The following BAZ2B variants were observed in gnomAD, a reference collection of about 807,000 sequenced individuals.
BAZ2B encodes bromodomain adjacent to zinc finger domain 2B, also known as bromodomain adjacent to zinc finger domain protein 2B.
In BAZ2B, 91 loss-of-function variants were observed where a neutral mutation model predicts 246.0. The observed-to-expected ratio is 0.37, with a 90% confidence interval of 0.31 to 0.44. The LOEUF is 0.44. Ranked by LOEUF, BAZ2B falls within the 20% of genes least tolerant of loss-of-function variation. The pLI is 1.00. For synonymous variants in BAZ2B, 855 were observed against 860.0 expected (o/e 0.99, Z 0.10); for missense variants, 2,332 against 2,533.7 (o/e 0.92, Z 1.71).
At position 159,336,862 on chromosome 2, in the gene BAZ2B, ATAAT is replaced by A. The variant is rs2065762949; in HGVS notation, c.5796+76_5796+79del. ...ACATTATTATGACAATAGGTAATGT[ATAAT>A]TAAGAAAGATCTGGAGGTTGGAAGA... On this transcript the variant is annotated intron_variant, in intron 33 of 36. Coordinates refer to ENST00000392783, the MANE Select transcript of BAZ2B (RefSeq NM_013450.4). The A allele has an allele frequency of 2.4e-6, 3 of 1,243,124 alleles. No individual in the cohort carries two copies. The East Asian group carries it at 7.8e-5, about 32-fold the overall frequency. 77.0% of individuals were successfully genotyped at this position (1,243,124 alleles called of 1,614,324 possible). A position where few individuals can be genotyped will look rare whatever the true frequency, so the allele number is the denominator to read the frequency against.
the BAZ2B span, among the ~76,000 whole-genome samples, chr2:159,681,755 T>C: frequency 3.9e-5 from 6 of 151,978 alleles, no homozygotes; most frequent in Admixed American, 6.6e-5. Context: ...TAAAACCCCA[T>C]CTCTACTAAA....
chr2:159,582,445 C>T (rs1236931612), intron 1 of BAZ2B, among the ~76,000 whole-genome samples: 1 of 152,178 alleles, frequency 6.6e-6, no homozygotes, highest in Non-Finnish European at 1.5e-5. Flanking sequence ...GTAGCTCACG[C>T]TGGAGTGGTG....
At chr2:159,712,000 G>A in the BAZ2B span, 1 of 152,068 alleles carries the variant, frequency 6.6e-6, no homozygotes, top group Non-Finnish European at 1.5e-5. Context: ...CACACAGGGC[G>A]GGCAGGGAAG....
intron 3 of BAZ2B, chr2:159,459,339 T>C (rs188278978): frequency 6.6e-6 from 1 of 152,230 alleles, no homozygotes. Context: ...CAATTCTTTG[T>C]TTCACTCTTC....
At chr2:159,628,553 A>G in the BAZ2B span, among the ~76,000 whole-genome samples, 1 of 152,216 alleles carries the variant, frequency 6.6e-6, no homozygotes, top group Non-Finnish European at 1.5e-5. Flanking sequence ...AAACCTGAGA[A>G]AAAGAAGCAA....
intron 25 of BAZ2B, 114 bp downstream of exon 25, chr2:159,382,445 G>T: frequency 8.8e-7 from 1 of 1,131,186 alleles, no homozygotes; most frequent in Non-Finnish European, 1.2e-6. Context: ...AGGAAACTGA[G>T]GCAAGTAAAT....
At chr2:159,355,571 G>A (rs1051774265) in intron 27 of BAZ2B, among the ~76,000 whole-genome samples, 1 of 152,120 alleles carries the variant, frequency 6.6e-6, no homozygotes, top group African/African-American at 2.4e-5. Context: ...CAAAATGGAA[G>A]AACAGTATTC....
intron 17 of BAZ2B, 156 bp from the exon 18 acceptor site, chr2:159,399,050 G>A: frequency 1.8e-6 from 1 of 547,976 alleles, no homozygotes; most frequent in Non-Finnish European, 3.0e-6. Context: ...TTAACATTAT[G>A]TTTAACGTAA....
chr2:159,580,975 C>G (rs951505460), intron 1 of BAZ2B, among the ~76,000 whole-genome samples: 2 of 152,104 alleles, frequency 1.3e-5, no homozygotes, highest in Non-Finnish European at 2.9e-5. Context: ...TAGAAGAAAA[C>G]CTAGACAATA....
intron 27 of BAZ2B, among the ~76,000 whole-genome samples, chr2:159,354,796 T>C (rs1040292276): frequency 2.6e-5 from 4 of 152,222 alleles, no homozygotes; most frequent in Non-Finnish European, 5.9e-5. Context: ...TCAATGACTA[T>C]AGATAACCAT....
At chr2:159,529,875 A>C (rs1316159574) in intron 2 of BAZ2B, among the ~76,000 whole-genome samples, 3 of 152,176 alleles carry the variant, frequency 2.0e-5, no homozygotes, top group Admixed American at 2.0e-4. Flanking sequence ...AAATACCTAC[A>C]TATCAACATA....
At chr2:159,667,641 T>TAAATAAAA in the BAZ2B span, among the ~76,000 whole-genome samples, 3 of 146,488 alleles carry the variant, frequency 2.0e-5, no homozygotes, top group African/African-American at 7.6e-5. Flanking sequence ...AATAAATAAA[T>TAAATAAAA]AAAAGACTCT....
chr2:159,668,743 T>A, the BAZ2B span, among the ~76,000 whole-genome samples: 1 of 152,262 alleles, frequency 6.6e-6, no homozygotes, highest in East Asian at 1.9e-4. Context: ...AAATCTCAGG[T>A]CATTAATTTT....
chr2:159,415,228 A>C (rs1456971537), intron 13 of BAZ2B, among the ~76,000 whole-genome samples: 2 of 151,840 alleles, frequency 1.3e-5, no homozygotes, highest in African/African-American at 4.8e-5. Context: ...GGGCAGATCA[A>C]AAGGTCAGGA....
chr2:159,490,082 A>C (rs2080274697), intron 2 of BAZ2B, among the ~76,000 whole-genome samples: 1 of 152,158 alleles, frequency 6.6e-6, no homozygotes, highest in Non-Finnish European at 1.5e-5. Flanking sequence ...TTATAATGTT[A>C]ATTTTTTCCT....
At chr2:159,541,891 A>C (rs1281445735) in intron 2 of BAZ2B, among the ~76,000 whole-genome samples, 3 of 152,216 alleles carry the variant, frequency 2.0e-5, no homozygotes, top group Admixed American at 1.3e-4. Flanking sequence ...AATATGCTCA[A>C]AGAGCAAAAG....
chr2:159,681,791 G>C, the BAZ2B span, among the ~76,000 whole-genome samples: 1 of 152,162 alleles, frequency 6.6e-6, no homozygotes, highest in Non-Finnish European at 1.5e-5. Flanking sequence ...CAGGCGTAGT[G>C]GTGGGTGCCT....
At chr2:159,698,075 T>C in the BAZ2B span, among the ~76,000 whole-genome samples, 1 of 152,182 alleles carries the variant, frequency 6.6e-6, no homozygotes, top group African/African-American at 2.4e-5. Flanking sequence ...ATACTTTTAA[T>C]ATCAGAATGA....
intron 33 of BAZ2B, among the ~76,000 whole-genome samples, chr2:159,334,339 T>C (rs750895564): frequency 3.3e-5 from 5 of 152,182 alleles, no homozygotes; most frequent in Non-Finnish European, 5.9e-5. Context: ...GCTACTACAG[T>C]AAAAAATAGT....
Sources: gnomAD v4.1 joint callset for allele counts (sites outside exome capture counted in the v4.1 genomes callset) on GRCh38, gnomAD v4.1.1 for gene constraint, MANE v1.5 for transcripts, NCBI Gene and HGNC (gene_info 2026-07-23, HGNC 2026-07-21) for gene names.